Variants in GRIA2 observed in about 807,000 individuals in gnomAD.
The protein encoded by GRIA2 is glutamate receptor 2.
Under a neutral mutation model 97.3 loss-of-function variants are expected in GRIA2, and 14 were observed. That is an observed-to-expected ratio of 0.14 (90% confidence interval 0.10 to 0.23). The LOEUF is 0.23. Ranked by LOEUF, GRIA2 falls within the 10% of genes least tolerant of loss-of-function variation. GRIA2 has a pLI of 1.00. For missense variants in GRIA2, 558 were observed against 1,069.8 expected (o/e 0.52, Z 6.67); for synonymous variants, 412 against 387.8 (o/e 1.06, Z -0.73).
intron 2 of GRIA2, among the ~76,000 whole-genome samples, chr4:157,227,593 A>T (rs907649490): frequency 6.6e-6 from 1 of 152,204 alleles, no homozygotes; most frequent in Admixed American, 6.5e-5. Flanking sequence ...GTGAGCAGAG[A>T]GTGCATTCAT....
intron 2 of GRIA2, among the ~76,000 whole-genome samples, chr4:157,263,947 A>T (rs1472774070): frequency 6.6e-6 from 1 of 152,044 alleles, no homozygotes; most frequent in Non-Finnish European, 1.5e-5. Flanking sequence ...TCATTTTTGA[A>T]CTTTACTCTT....
intron 2 of GRIA2, among the ~76,000 whole-genome samples, chr4:157,239,140 G>A (rs1579295517): frequency 6.6e-6 from 1 of 152,058 alleles, no homozygotes; most frequent in Non-Finnish European, 1.5e-5. Flanking sequence ...CAGCTTGGAT[G>A]TCATTGATTA....
chr4:157,336,841 C>G, intron 11 of GRIA2, 94 bp downstream of exon 11: 1 of 1,163,182 alleles, frequency 8.6e-7, no homozygotes, highest in South Asian at 1.4e-5. Context: ...TTACCAGCTG[C>G]CGACTTCCTG....
chr4:157,332,307 C>T (rs1735085110), intron 6 of GRIA2, among the ~76,000 whole-genome samples: 1 of 151,942 alleles, frequency 6.6e-6, no homozygotes. Flanking sequence ...CCAGAATCGC[C>T]TAGGGGAGCC....
chr4:157,242,941 C>T (rs1730571010), intron 2 of GRIA2, among the ~76,000 whole-genome samples: 1 of 152,064 alleles, frequency 6.6e-6, no homozygotes. Context: ...CTTTAAAATG[C>T]TAGACAGCAA....
intron 2 of GRIA2, among the ~76,000 whole-genome samples, chr4:157,245,274 G>T (rs1730679336): frequency 6.6e-6 from 1 of 151,788 alleles, no homozygotes; most frequent in South Asian, 2.1e-4. Context: ...TATACTTCAG[G>T]GTTTGTTTCT....
chr4:157,333,374 A>G, intron 8 of GRIA2, 21 bp downstream of exon 8: 1 of 1,339,666 alleles, frequency 7.5e-7, no homozygotes, highest in Non-Finnish European at 1.1e-6. Context: ...AGTGATTTAA[A>G]GGCAGTTCTA....
At chr4:157,258,686 A>T (rs1258918619) in intron 2 of GRIA2, among the ~76,000 whole-genome samples, 1 of 152,040 alleles carries the variant, frequency 6.6e-6, no homozygotes, top group African/African-American at 2.4e-5. Flanking sequence ...AATCACTAAT[A>T]AAAACTTGCT....
intron 2 of GRIA2, among the ~76,000 whole-genome samples, chr4:157,301,308 A>G (rs1217529247): frequency 1.3e-5 from 2 of 152,244 alleles, no homozygotes; most frequent in Non-Finnish European, 1.5e-5. Context: ...CATAGTTATC[A>G]AATACACTAA....
At chr4:157,317,543 C>T in intron 4 of GRIA2, 115 bp from the exon 5 acceptor site, 1 of 444,538 alleles carries the variant, frequency 2.2e-6, no homozygotes, top group Non-Finnish European at 4.1e-6. Flanking sequence ...TTTGGCACAT[C>T]AACAAACCTA....
intron 12 of GRIA2, among the ~76,000 whole-genome samples, chr4:157,352,738 A>C (rs1382663468): frequency 4.9e-5 from 7 of 143,328 alleles, no homozygotes; most frequent in African/African-American, 1.3e-4. Context: ...AAAAAAAAAA[A>C]CACACACAAC....
intron 2 of GRIA2, among the ~76,000 whole-genome samples, chr4:157,251,636 A>T (rs1731026869): frequency 6.6e-6 from 1 of 152,130 alleles, no homozygotes; most frequent in East Asian, 1.9e-4. Flanking sequence ...AGATTGCAAA[A>T]CCAATGAAGA....
chr4:157,356,811 T>C (rs1028086862), intron 12 of GRIA2, among the ~76,000 whole-genome samples: 4 of 151,864 alleles, frequency 2.6e-5, no homozygotes, highest in Non-Finnish European at 4.4e-5. Flanking sequence ...GTGGATCCGA[T>C]GATTGTAGTG....
At chr4:157,337,925 T>C (rs958892531) in intron 11 of GRIA2, among the ~76,000 whole-genome samples, 6 of 149,308 alleles carry the variant, frequency 4.0e-5, no homozygotes, top group Non-Finnish European at 7.4e-5. Context: ...CCAGATTCCC[T>C]GTGACTTCCC....
chr4:157,280,659 G>A (rs1732552625), intron 2 of GRIA2, among the ~76,000 whole-genome samples: 1 of 151,844 alleles, frequency 6.6e-6, no homozygotes, highest in African/African-American at 2.4e-5. Context: ...TTCCCAAGAA[G>A]GCTAGACTCG....
At chr4:157,244,698 T>C (rs1034976981) in intron 2 of GRIA2, among the ~76,000 whole-genome samples, 3 of 152,052 alleles carry the variant, frequency 2.0e-5, no homozygotes, top group Non-Finnish European at 4.4e-5. Context: ...AAAGTTTGTC[T>C]CTTACTTAGC....
intron 2 of GRIA2, among the ~76,000 whole-genome samples, chr4:157,254,456 T>C (rs1414137192): frequency 1.3e-5 from 2 of 152,220 alleles, no homozygotes; most frequent in East Asian, 3.9e-4. Flanking sequence ...CTGCTTCATG[T>C]AACTGATAAA....
chr4:157,268,290 T>G (rs1274142043), intron 2 of GRIA2, among the ~76,000 whole-genome samples: 1 of 152,076 alleles, frequency 6.6e-6, no homozygotes, highest in Non-Finnish European at 1.5e-5. Flanking sequence ...AGTATGGGAC[T>G]GGTGCTTTAT....
At chr4:157,307,093 A>T (rs1225341145) in intron 3 of GRIA2, among the ~76,000 whole-genome samples, 1 of 152,142 alleles carries the variant, frequency 6.6e-6, no homozygotes, top group African/African-American at 2.4e-5. Context: ...CTAGGTCAGG[A>T]ATATATATTG....
Sources: allele counts gnomAD v4.1 joint callset (sites outside exome capture counted in the v4.1 genomes callset), GRCh38; gene constraint gnomAD v4.1.1; transcripts MANE v1.5; gene names NCBI Gene and HGNC (gene_info 2026-07-23, HGNC 2026-07-21).